USP8: variants seen among roughly 807,000 people sequenced by gnomAD.
The protein encoded by USP8 is ubiquitin carboxyl-terminal hydrolase 8.
A neutral mutation model predicts 130.0 loss-of-function variants in USP8; 27 were observed. The ratio of observed to expected loss-of-function variants is 0.21; its 90% CI spans 0.15 to 0.29. The LOEUF (loss-of-function observed/expected upper bound fraction) is 0.29, where lower values mean the gene tolerates loss of function less well. Ranked by LOEUF, USP8 falls within the 10% of genes least tolerant of loss-of-function variation. The probability of loss-of-function intolerance (pLI) is 1.00; values close to 1 mark genes in which losing one functional copy is unlikely to be tolerated. For synonymous variants in USP8, 392 were observed against 444.1 expected, an observed-to-expected ratio of 0.88 and a Z score of 1.48; for missense variants, 1,029 against 1,312.2, an observed-to-expected ratio of 0.78 and a Z score of 3.33.
At chr15:50,434,251 C>T (rs933547650) in intron 1 of USP8, among the ~76,000 whole-genome samples, 13 of 150,898 alleles carry the variant, frequency 8.6e-5, no homozygotes, top group African/African-American at 1.7e-4. Flanking sequence ...TACAGGTGTG[C>T]GCCACCACGT....
intron 1 of USP8, 88 bp from the exon 2 acceptor site, chr15:50,438,921 A>G: frequency 1.8e-6 from 1 of 551,850 alleles, no homozygotes; most frequent in Non-Finnish European, 3.1e-6. Flanking sequence ...TTAGCAAAGG[A>G]TATGGTTTAG....
At chr15:50,480,577 A>G (rs1178382710) in intron 10 of USP8, among the ~76,000 whole-genome samples, 2 of 152,182 alleles carry the variant, frequency 1.3e-5, no homozygotes, top group Admixed American at 6.5e-5. Context: ...TGTGGGCATT[A>G]TCTAGATGAA....
chr15:50,495,474 A>G (rs2052354813), intron 16 of USP8, among the ~76,000 whole-genome samples: 1 of 128,854 alleles, frequency 7.8e-6, no homozygotes, highest in South Asian at 2.7e-4. Context: ...TTCTTTTTTT[A>G]GTAGAGATTG....
chr15:50,497,719 CAA>C (rs1261814509), intron 18 of USP8: 1 of 152,090 alleles, frequency 6.6e-6, no homozygotes, highest in East Asian at 1.9e-4. Context: ...GGAATAATGA[CAA>C]GAGTTATAAA....
chr15:50,495,485 G>T (rs776281369), intron 16 of USP8, among the ~76,000 whole-genome samples: 2 of 98,736 alleles, frequency 2.0e-5, no homozygotes, highest in East Asian at 4.4e-4. Flanking sequence ...GTAGAGATTG[G>T]AGGGGGGGGT....
intron 3 of USP8, among the ~76,000 whole-genome samples, chr15:50,446,652 A>G (rs142491401): frequency 1.1e-3 from 162 of 152,336 alleles, no homozygotes; most frequent in African/African-American, 3.7e-3. Context: ...AACAAACTGT[A>G]CACTTTTATT....
chr15:50,499,572 A>G lies in USP8; in HGVS notation c.*484A>G, dbSNP rs565983493. 4 of 149,690 alleles carry G rather than the reference A, an allele frequency of 2.7e-5. No individual in the cohort carries two copies. The highest frequency in any genetic ancestry group is 9.9e-5 in the African/African-American group (4 of 40,392). The allele number at this position is 149,690 out of a possible 1,614,324, so 9.3% of individuals were successfully genotyped here. ...GGTCCTTTTGTGAAACCTAGAACTC[A>G]GAGGATTGCTTTTTTTCTTTCAGCC... On this transcript the variant is annotated 3_prime_UTR_variant, in exon 20 of 20. Transcript: ENST00000307179.
rs1456048043 is a variant in USP8 at position 50,507,682 on chromosome 15, G to A, written c.*8594G>A. ...GAAGATTTCAACTATTGATCAAGCA[G>A]ACAAAAATATTAGTATAGATACAGC... On this transcript the variant is annotated 3_prime_UTR_variant, in exon 20 of 20. Transcript: ENST00000307179. The A allele has an allele frequency of 6.6e-6, 1 of 152,104 alleles. No individual in the cohort carries two copies. The highest frequency in any genetic ancestry group is 1.9e-4 in the East Asian group (1 of 5,194). 9.4% of individuals were successfully genotyped at this position (152,104 alleles called of 1,614,324 possible).
At chr15:50,441,677 A>C (rs1595907938) in intron 3 of USP8, among the ~76,000 whole-genome samples, 184 bp downstream of exon 3, 1 of 152,196 alleles carries the variant, frequency 6.6e-6, no homozygotes, top group East Asian at 1.9e-4. Context: ...ATAATGTGTG[A>C]ACTCGTACAC....
At position 50,499,533 on chromosome 15, in the gene USP8, A is replaced by C. The variant is rs2052537683; in HGVS notation, c.*445A>C. ...ATACTTGCACATCAAATCGATGTAC[A>C]TAGTTTAACACGTGGTCCTTTTGTG... On this transcript the variant is annotated 3_prime_UTR_variant, in exon 20 of 20. Coordinates refer to ENST00000307179, the MANE Select transcript of USP8 (RefSeq NM_005154.5). The C allele has an allele frequency of 3.3e-5, 5 of 152,408 alleles. No homozygotes were observed. Among genetic ancestry groups the C allele is most frequent in the Admixed American group, 3.3e-4 (5 of 15,278 alleles). The allele number at this position is 152,408 out of a possible 1,614,324, so 9.4% of individuals were successfully genotyped here.
chr15:50,456,188 A>G (rs1017488937), intron 4 of USP8, among the ~76,000 whole-genome samples: 2 of 152,166 alleles, frequency 1.3e-5, no homozygotes, highest in Non-Finnish European at 2.9e-5. Context: ...TTTAAAGTAG[A>G]GTGTCGTGAT....
chr15:50,509,871 C>T lies in USP8; in HGVS notation c.*10783C>T, dbSNP rs1056394427. 7.9e-5 allele frequency: 12 copies of T among 151,862 alleles called. No homozygotes were observed. Among genetic ancestry groups the T allele is most frequent in the Non-Finnish European group, 1.6e-4 (11 of 67,970 alleles). 9.4% of individuals were successfully genotyped at this position (151,862 alleles called of 1,614,324 possible). A position where few individuals can be genotyped will look rare whatever the true frequency, so the allele number is the denominator to read the frequency against. ...ACATGGCTCACACCTATATTTTTTA[C>T]AGAAATTGACAAGGGCCAGGAATAA... On this transcript the variant is annotated 3_prime_UTR_variant, in exon 20 of 20. Transcript: ENST00000307179.
rs1039985771 is a variant in USP8, at chr15:50,499,128, C to G, written c.*40C>G. 3.9e-6 allele frequency: 6 copies of G among 1,526,812 alleles called. No individual in the cohort carries two copies. The highest frequency in any genetic ancestry group is 4.4e-6 in the Non-Finnish European group (5 of 1,136,932). The allele number at this position is 1,526,812 out of a possible 1,614,324, so 94.6% of individuals were successfully genotyped here. A position where few individuals can be genotyped will look rare whatever the true frequency, so the allele number is the denominator to read the frequency against. ...TAAACTAGTTATCTTTTAAAAGGCT[C>G]AGCAACACAACTCTTGAAATGCTTA... On this transcript the variant is annotated 3_prime_UTR_variant, in exon 20 of 20. Coordinates refer to ENST00000307179, the MANE Select transcript of USP8 (RefSeq NM_005154.5).
chr15:50,439,818 A>AATAATG, intron 2 of USP8, among the ~76,000 whole-genome samples: 1 of 137,596 alleles, frequency 7.3e-6, no homozygotes, highest in Middle Eastern at 5.6e-3. Flanking sequence ...TAATAATAAT[A>AATAATG]ATAATAATAA....
chr15:50,456,568 C>T (rs1022869487), intron 4 of USP8, among the ~76,000 whole-genome samples: 3 of 132,698 alleles, frequency 2.3e-5, no homozygotes, highest in Non-Finnish European at 3.2e-5. Context: ...TGTGAGACTC[C>T]GTCTCAAAAA....
chr15:50,442,201 CA>C (rs2050284084), intron 3 of USP8, among the ~76,000 whole-genome samples: 1 of 151,946 alleles, frequency 6.6e-6, no homozygotes, highest in African/African-American at 2.4e-5. Context: ...CTCAAACTCC[CA>C]GCCTCAGTTG....
intron 12 of USP8, among the ~76,000 whole-genome samples, chr15:50,488,912 G>A (rs563080941): frequency 6.6e-6 from 1 of 151,692 alleles, no homozygotes. Flanking sequence ...TAGAGACGGG[G>A]TCTGTGTTGC....
chr15:50,493,633 T>C (rs1436776951), intron 15 of USP8: 2 of 389,972 alleles, frequency 5.1e-6, no homozygotes, highest in Admixed American at 3.4e-5. Context: ...TAGTCCCTGC[T>C]ACTTGGGAGG....
At position 50,481,724 on chromosome 15, in the gene USP8, G is replaced by A. The variant is rs1317124619; in HGVS notation, c.1462G>A (p.Glu488Lys). 6.2e-7 allele frequency: 1 copy of A among 1,610,886 alleles called. No individual in the cohort carries two copies. ...AAAAGAACTTCGGGAAAGGCAGCAA[G>A]AGGAACAGAAAGAGAAACTGAGGAA... ...QEKELRERQQ[E>K]EQKEKLRKEE... Residue 488 changes from glutamate to lysine, a missense_variant, in exon 11 of 20, where the codon GAG becomes AAG. Glu to Lys is a moderately conservative substitution (Grantham distance 56, BLOSUM62 1). Transcript: ENST00000307179.
Sources: gnomAD v4.1 joint callset for allele counts (sites outside exome capture counted in the v4.1 genomes callset) on GRCh38, gnomAD v4.1.1 for gene constraint, MANE v1.5 for transcripts, NCBI Gene and HGNC (gene_info 2026-07-23, HGNC 2026-07-21) for gene names.